ITGAD: variants seen among roughly 807,000 people sequenced by gnomAD.
The protein encoded by ITGAD is integrin subunit alpha D.
In ITGAD, 105 loss-of-function variants were observed where a neutral mutation model predicts 139.0. The observed-to-expected ratio is 0.76, with a 90% confidence interval of 0.65 to 0.89. The LOEUF is 0.89. ITGAD is among the 40% of genes least tolerant of loss of function. ITGAD has a pLI of 0.00. For missense variants in ITGAD, 1,384 were observed against 1,487.3 expected (o/e 0.93, Z 1.14); for synonymous variants, 569 against 598.3 (o/e 0.95, Z 0.71).
chr16:31,412,865 A>AG lies in ITGAD; in HGVS notation c.1737dup (p.Leu580AlafsTer88). On this transcript the variant is annotated frameshift_variant, in exon 15 of 30. Coordinates refer to ENST00000389202, the MANE Select transcript of ITGAD (RefSeq NM_005353.3). LOFTEE classifies it high-confidence loss of function. ...GATTGCCAGCTCCCAGCTCTCCCCC[A>AG]GGCTGCAGTATTTTGGGCAGGCGCT... 2 of 1,613,906 alleles carry AG rather than the reference A, an allele frequency of 1.2e-6. No homozygotes were observed. The highest frequency in any genetic ancestry group is 1.7e-6 in the Non-Finnish European group (2 of 1,179,966).
At chr16:31,420,793 T>C (rs1271667622) in intron 23 of ITGAD, among the ~76,000 whole-genome samples, 1 of 152,132 alleles carries the variant, frequency 6.6e-6, no homozygotes, top group Non-Finnish European at 1.5e-5. Context: ...AGGCTGGTCT[T>C]GAACTCGTGA....
At position 31,403,816 on chromosome 16, in the gene ITGAD, C is replaced by A; in HGVS notation, c.704+171C>A. 1 of 703,350 alleles carries A rather than the reference C, an allele frequency of 1.4e-6. No homozygotes were observed. The highest frequency in any genetic ancestry group is 2.3e-6 in the Non-Finnish European group (1 of 427,926). The allele number at this position is 703,350 out of a possible 1,614,324, so 43.6% of individuals were successfully genotyped here. A position where few individuals can be genotyped will look rare whatever the true frequency, so the allele number is the denominator to read the frequency against. On this transcript the variant is annotated intron_variant, in intron 7 of 29. Transcript: ENST00000389202. The surrounding 1 kb of genome is among the most constrained non-coding windows in gnomAD (Gnocchi z 4.4). ...CCCCGGGGTGCTCCTGGTTGCCTCG[C>A]TGCCAGTCTCCCTGATATAGGACTA...
intron 12 of ITGAD, 73 bp from the exon 13 acceptor site, chr16:31,411,003 G>C: frequency 1.2e-6 from 2 of 1,602,290 alleles, no homozygotes; most frequent in Non-Finnish European, 1.7e-6. Context: ...GGTACCTGGG[G>C]AGAGGCGGGA....
Position 31,403,311 on chromosome 16 carries a change from C to T in ITGAD, c.559-189C>T. ...CAACATAGTGAGACCTTGTCTCTAC[C>T]AAAAACAAAACAAAACAAAAAACAA... On this transcript the variant is annotated intron_variant, in intron 6 of 29. Transcript: ENST00000389202. This position sits in a 1 kb window ranked among gnomAD's most constrained non-coding sequence, Gnocchi z 4.4. 1 of 639,372 alleles carries T rather than the reference C, an allele frequency of 1.6e-6. No homozygotes were observed. Among genetic ancestry groups the T allele is most frequent in the South Asian group, 2.0e-5 (1 of 50,630 alleles). The allele number at this position is 639,372 out of a possible 1,614,324, so 39.6% of individuals were successfully genotyped here.
At chr16:31,412,713 C>T (rs2081761393) in intron 14 of ITGAD, 125 bp from the exon 15 acceptor site, 1 of 1,177,400 alleles carries the variant, frequency 8.5e-7, no homozygotes, top group Admixed American at 1.9e-5. Flanking sequence ...TTGTTGGTGA[C>T]ATCTGTTCAC....
chr16:31,424,441 CG>C (rs1597168851), intron 28 of ITGAD, 25 bp from the exon 29 acceptor site: 1 of 1,580,116 alleles, frequency 6.3e-7, no homozygotes, highest in South Asian at 1.1e-5. Flanking sequence ...GGCATGAGGC[CG>C]GATGCTCTCT....
At chr16:31,419,613 C>A (rs1159455438) in intron 23 of ITGAD, among the ~76,000 whole-genome samples, 1 of 151,960 alleles carries the variant, frequency 6.6e-6, no homozygotes, top group African/African-American at 2.4e-5. Context: ...GAGTTCAAGA[C>A]CAGCCTGGCC....
chr16:31,411,155 C>A lies in ITGAD; in HGVS notation c.1436C>A (p.Ala479Asp), dbSNP rs766254726. 9.3e-6 allele frequency: 15 copies of A among 1,613,828 alleles called. No individual in the cohort carries two copies. Among genetic ancestry groups the A allele is most frequent in the African/African-American group, 1.3e-5 (1 of 74,894 alleles). The change falls in exon 13 of 30, where the codon GCC (alanine) becomes GAC (aspartate). Residue 479 changes from alanine (A) to aspartate (D), a missense_variant. By Grantham distance (126) the Ala-to-Asp change is moderately radical (BLOSUM62 -2). Coordinates refer to ENST00000389202, the MANE Select transcript of ITGAD (RefSeq NM_005353.3). Reference protein sequence around the residue: ...DGSTDLILIGAPHYYEQTRGG... With the variant: ...DGSTDLILIGDPHYYEQTRGG... Reference sequence around the variant, plus strand: ...AGCACCGACCTGATCCTCATTGGGGCCCCCCATTACTATGAGCAGACCCGA... The same window carrying A: ...AGCACCGACCTGATCCTCATTGGGGACCCCCATTACTATGAGCAGACCCGA...
At chr16:31,417,031 C>A (rs2081907583) in intron 20 of ITGAD, among the ~76,000 whole-genome samples, 1 of 99,158 alleles carries the variant, frequency 1.0e-5, no homozygotes, top group South Asian at 4.8e-4. Flanking sequence ...CCCTTACTTC[C>A]TCCCTCCCTC....
chr16:31,393,401 G>A lies in ITGAD; in HGVS notation c.31+10G>A. 1 of 1,614,040 alleles carries A rather than the reference G, an allele frequency of 6.2e-7. No individual in the cohort carries two copies. Among genetic ancestry groups the A allele is most frequent in the Non-Finnish European group, 8.5e-7 (1 of 1,180,008 alleles). ...GTGCTTCTTCTGAGTGGTAAGTGGG[G>A]CCAGGGTGCTGGGGAGAAGCTTGGA... is the stretch of plus-strand genomic sequence containing the variant. On this transcript the variant is annotated intron_variant, in intron 1 of 29. Coordinates refer to ENST00000389202, the MANE Select transcript of ITGAD (RefSeq NM_005353.3).
intron 5 of ITGAD, among the ~76,000 whole-genome samples, chr16:31,398,761 G>A (rs1331586198): frequency 1.3e-5 from 2 of 152,200 alleles, no homozygotes; most frequent in African/African-American, 4.8e-5. Flanking sequence ...TGGGATGACA[G>A]GCATGAGTCC....
intron 29 of ITGAD, 22 bp from the exon 30 acceptor site, chr16:31,425,989 CTTTT>C (rs755867104): frequency 6.5e-7 from 1 of 1,549,886 alleles, no homozygotes; most frequent in South Asian, 1.1e-5. Flanking sequence ...ACTTACCCAG[CTTTT>C]CTAATTTATT....
At chr16:31,420,918 G>A (rs997459918) in intron 23 of ITGAD, among the ~76,000 whole-genome samples, 2 of 152,020 alleles carry the variant, frequency 1.3e-5, no homozygotes, top group South Asian at 2.1e-4. Context: ...GGGAAGGAGC[G>A]AGGGAGATCA....
chr16:31,397,930 G>A, intron 5 of ITGAD, 21 bp downstream of exon 5: 1 of 1,568,838 alleles, frequency 6.4e-7, no homozygotes, highest in Non-Finnish European at 8.7e-7. Context: ...GGCAGGCCAT[G>A]GTTCCCTGTG....
chr16:31,403,827 C>T lies in ITGAD; in HGVS notation c.704+182C>T. On this transcript the variant is annotated intron_variant, in intron 7 of 29. Coordinates refer to ENST00000389202, the MANE Select transcript of ITGAD (RefSeq NM_005353.3). The surrounding 1 kb of genome is among the most constrained non-coding windows in gnomAD (Gnocchi z 4.4). The stretch of plus-strand genomic sequence containing the variant: ...TCCTGGTTGCCTCGCTGCCAGTCTC[C>T]CTGATATAGGACTAGGCTCCTCTGC... 2 of 660,572 alleles carry T rather than the reference C, an allele frequency of 3.0e-6. No homozygotes were observed. The highest frequency in any genetic ancestry group is 2.8e-5 in the East Asian group (1 of 35,982). 40.9% of individuals were successfully genotyped at this position (660,572 alleles called of 1,614,324 possible). A position where few individuals can be genotyped will look rare whatever the true frequency, so the allele number is the denominator to read the frequency against.
Position 31,411,391 on chromosome 16 carries a change from G to T in ITGAD, c.1581G>T (p.Leu527Phe), listed in dbSNP as rs777805842. The change falls in exon 14 of 30, where the codon TTG (leucine) becomes TTT (phenylalanine). Residue 527 changes from leucine to phenylalanine, a missense_variant. By Grantham distance (22) the Leu-to-Phe change is conservative. Transcript: ENST00000389202. ...GCTTTGGGGCAGCCCTGACAGTGTT[G>T]GGGGATGTGAATGAGGACAAGCTGA... ...WGRFGAALTV[L>F]GDVNEDKLID... The T allele has an allele frequency of 3.7e-5, 60 of 1,613,996 alleles. No individual in the cohort carries two copies. Among genetic ancestry groups the T allele is most frequent in the Non-Finnish European group, 8.5e-7 (1 of 1,179,998 alleles).
chr16:31,396,396 C>T (rs1597101817), intron 2 of ITGAD, among the ~76,000 whole-genome samples: 1 of 152,152 alleles, frequency 6.6e-6, no homozygotes, highest in African/African-American at 2.4e-5. Flanking sequence ...TTGCTTGAAC[C>T]TGGGAGGTGG....
intron 23 of ITGAD, among the ~76,000 whole-genome samples, chr16:31,420,522 C>T (rs574967614): frequency 6.2e-4 from 95 of 152,142 alleles, no homozygotes; most frequent in Non-Finnish European, 1.2e-3. Flanking sequence ...CTCAGCCTCC[C>T]GAGTAGTTGG....
chr16:31,407,999 G>A (rs555679339), intron 9 of ITGAD, 83 bp downstream of exon 9: 1 of 1,380,536 alleles, frequency 7.2e-7, no homozygotes, highest in African/African-American at 1.4e-5. Context: ...TTGAGATGGA[G>A]TCTCACTTTG....
Sources: gnomAD v4.1 joint callset for allele counts (sites outside exome capture counted in the v4.1 genomes callset) on GRCh38, gnomAD v4.1.1 for gene constraint, Gnocchi (gnomAD v3.1) non-coding constraint, MANE v1.5 for transcripts, NCBI Gene and HGNC (gene_info 2026-07-23, HGNC 2026-07-21) for gene names.